Variants in PAM observed in about 807,000 individuals in gnomAD.
PAM encodes the protein peptidylglycine alpha-amidating monooxygenase, also known as peptidyl-glycine alpha-amidating monooxygenase.
In PAM, 72 loss-of-function variants were observed where a neutral mutation model predicts 122.1. That is an observed-to-expected ratio of 0.59 (90% CI 0.49 to 0.72). The LOEUF (loss-of-function observed/expected upper bound fraction) is 0.72. PAM is among the 30% of genes least tolerant of loss of function. The pLI is 0.00. For synonymous variants in PAM, 389 were observed against 404.4 expected (o/e 0.96, Z 0.46); for missense variants, 1,106 against 1,183.7 (o/e 0.93, Z 0.96).
chr5:102,875,365 T>C (rs1258862486), intron 3 of PAM, among the ~76,000 whole-genome samples: 2 of 152,044 alleles, frequency 1.3e-5, no homozygotes, highest in African/African-American at 4.8e-5. Context: ...GCTTAATTTT[T>C]TTATTTCTTT....
At chr5:102,987,929 T>G (rs1057347682) in intron 15 of PAM, among the ~76,000 whole-genome samples, 2 of 152,208 alleles carry the variant, frequency 1.3e-5, no homozygotes, top group African/African-American at 4.8e-5. Context: ...CTAAAGCAAA[T>G]TATTCCCTCT....
chr5:102,981,184 A>G (rs557765702), intron 15 of PAM, among the ~76,000 whole-genome samples: 2 of 152,384 alleles, frequency 1.3e-5, no homozygotes, highest in African/African-American at 2.4e-5. Context: ...GAGATCATTC[A>G]TAGCCAGATT....
intron 1 of PAM, among the ~76,000 whole-genome samples, chr5:102,811,592 T>C (rs968602301): frequency 6.6e-6 from 1 of 152,202 alleles, no homozygotes; most frequent in African/African-American, 2.4e-5. Context: ...AGTTAACATA[T>C]TCACAGGCTC....
At chr5:103,026,853 G>C (rs1298921858) in intron 24 of PAM, among the ~76,000 whole-genome samples, 3 of 152,180 alleles carry the variant, frequency 2.0e-5, no homozygotes, top group African/African-American at 7.2e-5. Context: ...AAGGTGGCAG[G>C]AATTGTGGTA....
Position 103,029,116 on chromosome 5 carries a change from C to G in PAM, c.*51C>G. 1 of 1,457,098 alleles carries G rather than the reference C, an allele frequency of 6.9e-7. No homozygotes were observed. The highest frequency in any genetic ancestry group is 9.4e-7 in the Non-Finnish European group (1 of 1,060,592). 90.3% of individuals were successfully genotyped at this position (1,457,098 alleles called of 1,614,324 possible). A position where few individuals can be genotyped will look rare whatever the true frequency, so the allele number is the denominator to read the frequency against. On this transcript the variant is annotated 3_prime_UTR_variant, in exon 26 of 26. Transcript: ENST00000438793. ...TAAGATTTACCCAGAATGTCAGATTCCTTTCCCTTTAGCACGTTTAAAGTT... is the reference window on the plus strand; with the variant it reads ...TAAGATTTACCCAGAATGTCAGATTGCTTTCCCTTTAGCACGTTTAAAGTT...
At chr5:102,955,996 A>G (rs1439968249) in intron 12 of PAM, among the ~76,000 whole-genome samples, 3 of 152,080 alleles carry the variant, frequency 2.0e-5, no homozygotes, top group African/African-American at 7.2e-5. Flanking sequence ...TTTCTCTGTC[A>G]CATAGGAGCT....
intron 14 of PAM, among the ~76,000 whole-genome samples, chr5:102,964,341 C>A (rs1763396798): frequency 6.6e-6 from 1 of 151,924 alleles, no homozygotes; most frequent in African/African-American, 2.4e-5. Context: ...TGTGCTTTCT[C>A]ACAAACACAC....
chr5:102,878,718 C>T (rs1055892835), intron 3 of PAM, among the ~76,000 whole-genome samples: 120 of 147,348 alleles, frequency 8.1e-4, no homozygotes, highest in African/African-American at 2.8e-3. Flanking sequence ...TAGTTTTTAA[C>T]AAAAATGTTT....
intron 15 of PAM, 142 bp downstream of exon 15, chr5:102,974,578 G>C (rs1236564060): frequency 3.4e-5 from 20 of 580,220 alleles, no homozygotes; most frequent in Non-Finnish European, 5.6e-5. Context: ...ACTCAGATTT[G>C]GGCTATCAGA....
chr5:103,019,309 G>C, intron 22 of PAM, among the ~76,000 whole-genome samples: 1 of 152,226 alleles, frequency 6.6e-6, no homozygotes, highest in Non-Finnish European at 1.5e-5. Flanking sequence ...GAAGCCCTCT[G>C]CATAGCGCAG....
Position 103,013,641 on chromosome 5 carries a change from G to C in PAM, c.2332-3693G>C, listed in dbSNP as rs550998128. 4.3e-4 allele frequency among the ~76,000 whole-genome samples: 66 copies of C among 152,212 alleles called. 2 individuals are homozygous for C. In the South Asian group the frequency reaches 0.012, roughly 29 times the overall value. On this transcript the variant is annotated intron_variant, in intron 21 of 25. Coordinates refer to ENST00000438793, the MANE Select transcript of PAM (RefSeq NM_001177306.2). The stretch of plus-strand genomic sequence containing the variant: ...AAAATGCTTCAATGTTTTATTAATA[G>C]AAATTAGTCTAATACTGACAGCTAG...
chr5:102,990,325 C>G lies in PAM; in HGVS notation c.1537C>G (p.Gln513Glu). The change falls in exon 16 of 26, where the codon CAG (glutamine) becomes GAG (glutamate). Residue 513 changes from glutamine to glutamate, a missense_variant. This residue lies in a region of PAM where 670 missense variants were observed against 690.3 expected (regional missense o/e 0.97). Transcript: ENST00000438793. ...GCCTGGAGTATACTTGTTACCAGGC[C>G]AGGTTTCTGGGGTGGCTCTAGACCC... is the stretch of plus-strand genomic sequence containing the variant. ...DWPGVYLLPG[Q>E]VSGVALDPKN... is the part of the protein sequence containing the mutation. 1 of 1,608,702 alleles carries G rather than the reference C, an allele frequency of 6.2e-7. No homozygotes were observed. The highest frequency in any genetic ancestry group is 8.5e-7 in the Non-Finnish European group (1 of 1,176,296).
Position 103,017,383 on chromosome 5 carries a change from A to G in PAM, c.2381A>G (p.Tyr794Cys). 6.2e-7 allele frequency: 1 copy of G among 1,612,556 alleles called. No homozygotes were observed. Among genetic ancestry groups the G allele is most frequent in the Non-Finnish European group, 8.5e-7 (1 of 1,178,664 alleles). ...GTTGCATCTGAAGATGGGACTGTGT[A>G]CATTGGAGATGCTCATACCAACACC... Reference protein sequence around the residue: ...DIVASEDGTVYIGDAHTNTVW... With the variant: ...DIVASEDGTVCIGDAHTNTVW... Residue 794 changes from tyrosine (Y) to cysteine (C), a missense_variant, in exon 22 of 26, where the codon TAC becomes TGC. Coordinates refer to ENST00000438793, the MANE Select transcript of PAM (RefSeq NM_001177306.2).
intron 12 of PAM, 24 bp from the exon 13 acceptor site, chr5:102,959,851 G>C (rs781328421): frequency 6.4e-7 from 1 of 1,563,458 alleles, no homozygotes; most frequent in African/African-American, 1.4e-5. Flanking sequence ...TAGTTGATTT[G>C]TTATATCTTT....
At chr5:102,892,369 C>T (rs1451829012) in intron 3 of PAM, among the ~76,000 whole-genome samples, 1 of 151,840 alleles carries the variant, frequency 6.6e-6, no homozygotes, top group Non-Finnish European at 1.5e-5. Context: ...TGTTCTACTT[C>T]TGGACTTCTC....
chr5:102,766,697 A>T (rs1414786833), intron 1 of PAM, among the ~76,000 whole-genome samples: 1 of 152,206 alleles, frequency 6.6e-6, no homozygotes, highest in African/African-American at 2.4e-5. Flanking sequence ...CATTCACATA[A>T]CTTATTTTAG....
At chr5:103,007,052 C>T (rs774600123) in intron 19 of PAM, 41 bp downstream of exon 19, 11 of 1,403,830 alleles carry the variant, frequency 7.8e-6, no homozygotes, top group Middle Eastern at 4.5e-4. Context: ...TAATTCTTAG[C>T]CAGTATCACT....
At chr5:102,997,998 G>A (rs944086195) in intron 16 of PAM, among the ~76,000 whole-genome samples, 2 of 152,196 alleles carry the variant, frequency 1.3e-5, no homozygotes, top group African/African-American at 4.8e-5. Context: ...GTGACTCTGA[G>A]ACTCTAATCT....
intron 1 of PAM, among the ~76,000 whole-genome samples, chr5:102,804,774 A>G (rs1765763792): frequency 6.6e-6 from 1 of 152,170 alleles, no homozygotes; most frequent in Non-Finnish European, 1.5e-5. Flanking sequence ...GACTTAGAGG[A>G]ACCAGAAGAA....
Sources: gnomAD v4.1 joint callset for allele counts (sites outside exome capture counted in the v4.1 genomes callset) on GRCh38, gnomAD v4.1.1 for gene constraint, gnomAD v4.1.1 regional missense constraint, MANE v1.5 for transcripts, NCBI Gene and HGNC (gene_info 2026-07-23, HGNC 2026-07-21) for gene names.